Variants in ERC1 observed in about 807,000 individuals in gnomAD.
The protein encoded by ERC1 is RAB6 interacting protein 2.
A neutral mutation model predicts 132.0 loss-of-function variants in ERC1; 56 were observed. The observed-to-expected ratio is 0.42, with a 90% CI of 0.34 to 0.53. ERC1 has a LOEUF of 0.53. ERC1 is among the 20% of genes least tolerant of loss of function. ERC1 has a pLI of 0.03. For synonymous variants in ERC1, 478 were observed against 476.1 expected (o/e 1.00, Z -0.05); for missense variants, 1,202 against 1,349.9 (o/e 0.89, Z 1.72).
chr12:1,263,281 T>C, intron 14 of ERC1, 116 bp downstream of exon 14: 2 of 963,870 alleles, frequency 2.1e-6, no homozygotes, highest in Non-Finnish European at 3.0e-6. Flanking sequence ...TCAAAAACAC[T>C]TCATAGAGGA....
intron 1 of ERC1, among the ~76,000 whole-genome samples, chr12:999,556 A>G (rs1592589315): frequency 6.7e-6 from 1 of 149,104 alleles, no homozygotes; most frequent in Non-Finnish European, 1.5e-5. Context: ...GAATGTTTCT[A>G]TGAGGTAGTG....
chr12:1,384,161 C>T (rs978467111), intron 16 of ERC1, among the ~76,000 whole-genome samples: 1 of 152,150 alleles, frequency 6.6e-6, no homozygotes, highest in Non-Finnish European at 1.5e-5. Context: ...TTTAATCTAC[C>T]CTTATAAATT....
chr12:1,245,949 A>G (rs1234774573), intron 13 of ERC1, among the ~76,000 whole-genome samples: 1 of 151,730 alleles, frequency 6.6e-6, no homozygotes, highest in Non-Finnish European at 1.5e-5. Flanking sequence ...TTCTTTTTTT[A>G]AATAGAGACT....
At chr12:1,420,935 T>G (rs942562618) in intron 17 of ERC1, among the ~76,000 whole-genome samples, 2 of 106,306 alleles carry the variant, frequency 1.9e-5, no homozygotes, top group Non-Finnish European at 4.0e-5. Flanking sequence ...GGGGGGGGGT[T>G]AATTATAAAG....
At chr12:1,058,789 G>GTT (rs33992098) in intron 2 of ERC1, among the ~76,000 whole-genome samples, 80,863 of 129,680 alleles carry the variant, frequency 0.62, 27,095 homozygotes, top group East Asian at 0.87. Context: ...TGGAAAGTAT[G>GTT]TTTTTTTTTT....
chr12:1,362,904 C>A lies in ERC1; in HGVS notation c.2781-8929C>A, dbSNP rs1345253842. Among the ~76,000 whole-genome samples, 3 of 152,166 alleles carry A rather than the reference C, an allele frequency of 2.0e-5. No homozygotes were observed. The East Asian group carries it at 5.8e-4, about 29-fold the overall frequency. The stretch of plus-strand genomic sequence containing the variant: ...ATTTGACTATAGGTTAAAAAACGTG[C>A]TTATACTTATCATGTTTGCTATATG... On this transcript the variant is annotated intron_variant, in intron 15 of 18. Coordinates refer to ENST00000360905, the MANE Select transcript of ERC1 (RefSeq NM_178040.4).
intron 7 of ERC1, among the ~76,000 whole-genome samples, chr12:1,126,980 C>A (rs1593514366): frequency 1.3e-5 from 1 of 76,146 alleles, no homozygotes; most frequent in East Asian, 2.9e-4. Flanking sequence ...GAGTGAGATT[C>A]TGTCTCAAAA....
intron 7 of ERC1, among the ~76,000 whole-genome samples, chr12:1,122,545 G>C (rs61914263): frequency 0.27 from 1,947 of 7,082 alleles, 5 homozygotes; most frequent in South Asian, 0.33. Context: ...ATCTCTATCT[G>C]TGTCTCTATC....
intron 15 of ERC1, among the ~76,000 whole-genome samples, chr12:1,346,710 A>T (rs1007713944): frequency 1.3e-5 from 2 of 152,058 alleles, no homozygotes; most frequent in African/African-American, 4.8e-5. Flanking sequence ...TGGGAGGCCG[A>T]GGCGGGTGGA....
intron 8 of ERC1, among the ~76,000 whole-genome samples, chr12:1,165,974 ACCT>A (rs1952386149): frequency 6.6e-6 from 1 of 152,224 alleles, no homozygotes; most frequent in East Asian, 1.9e-4. Context: ...ACAACCAGTA[ACCT>A]CCTTTTTGTC....
In ERC1 at chr12:1,408,185, G is replaced by C. The variant is rs775298873; in HGVS notation, c.2962G>C (p.Glu988Gln). ...AATGAAGCTAATGGCCGACAACTACGAGGATGACCACTTCAAATCCTCCCA... is the reference window on the plus strand; with the variant it reads ...AATGAAGCTAATGGCCGACAACTACCAGGATGACCACTTCAAATCCTCCCA... ...NRMKLMADNYEDDHFKSSHSN... is the reference protein window; with the variant it reads ...NRMKLMADNYQDDHFKSSHSN... The change falls in exon 17 of 19, where the codon GAG (glutamate) becomes CAG (glutamine). Residue 988 changes from glutamate (E) to glutamine (Q), a missense_variant. Transcript: ENST00000360905. The C allele has an allele frequency of 6.2e-7, 1 of 1,613,924 alleles. No homozygotes were observed. The highest frequency in any genetic ancestry group is 8.5e-7 in the Non-Finnish European group (1 of 1,179,938).
chr12:1,092,352 G>A (rs1270909234), intron 3 of ERC1, among the ~76,000 whole-genome samples: 1 of 151,978 alleles, frequency 6.6e-6, no homozygotes, highest in Non-Finnish European at 1.5e-5. Flanking sequence ...ATGAAATTGA[G>A]TTAAGTGTTA....
At chr12:1,316,516 A>G (rs1027344267) in intron 15 of ERC1, among the ~76,000 whole-genome samples, 7 of 152,214 alleles carry the variant, frequency 4.6e-5, no homozygotes, top group African/African-American at 1.7e-4. Context: ...ATGAAAAAAT[A>G]TCTCTGTGAA....
intron 16 of ERC1, among the ~76,000 whole-genome samples, chr12:1,396,944 C>G (rs1178965186): frequency 6.6e-6 from 1 of 152,160 alleles, no homozygotes; most frequent in African/African-American, 2.4e-5. Flanking sequence ...TCTGCCCTGA[C>G]TCTGGGAAGG....
chr12:1,397,719 CAG>C (rs557673572), intron 16 of ERC1, among the ~76,000 whole-genome samples: 88 of 152,096 alleles, frequency 5.8e-4, no homozygotes, highest in African/African-American at 1.5e-3. Context: ...ATAGAGGAGA[CAG>C]GGGTGGAAGC....
rs563882172 is a variant in ERC1, at chr12:1,224,707, G to A, written c.2352-12062G>A. Among the ~76,000 whole-genome samples the A allele has an allele frequency of 8.9e-4, 136 of 152,194 alleles. 1 individual carries two copies. Among genetic ancestry groups the A allele is most frequent in the African/African-American group, 2.7e-3 (112 of 41,538 alleles). ...AAAAAGAAAAAAAAATAGGCTGGGC[G>A]CTGTAGCTCACTCCTGTGATCCCAG... On this transcript the variant is annotated intron_variant, in intron 12 of 18. Coordinates refer to ENST00000360905, the MANE Select transcript of ERC1 (RefSeq NM_178040.4).
intron 1 of ERC1, among the ~76,000 whole-genome samples, chr12:1,015,190 A>G (rs1415471860): frequency 6.6e-6 from 1 of 151,506 alleles, no homozygotes; most frequent in African/African-American, 2.4e-5. Flanking sequence ...CACCTGAGTA[A>G]CTGGTACTAC....
At chr12:1,110,110 G>A in intron 4 of ERC1, 82 bp from the exon 5 acceptor site, 1 of 1,182,702 alleles carries the variant, frequency 8.5e-7, no homozygotes, top group Non-Finnish European at 1.2e-6. Flanking sequence ...TTTATTAAAT[G>A]TAACTTCTTT....
chr12:1,128,396 T>G (rs1230507123), intron 7 of ERC1, among the ~76,000 whole-genome samples: 1 of 152,132 alleles, frequency 6.6e-6, no homozygotes, highest in Non-Finnish European at 1.5e-5. Flanking sequence ...TAATTTTTAT[T>G]TTCTTAATTT....
Sources: gnomAD v4.1 joint callset for allele counts (sites outside exome capture counted in the v4.1 genomes callset) on GRCh38, gnomAD v4.1.1 for gene constraint, MANE v1.5 for transcripts, NCBI Gene and HGNC (gene_info 2026-07-23, HGNC 2026-07-21) for gene names.